The following RAB3B variants were observed in gnomAD, a reference collection of about 807,000 sequenced individuals.
The protein encoded by RAB3B is RAB3B, member RAS oncogene family.
A neutral mutation model predicts 20.5 loss-of-function variants in RAB3B; 11 were observed. The observed-to-expected ratio is 0.54, with a 90% CI of 0.34 to 0.89. RAB3B has a LOEUF of 0.89. Ranked by LOEUF, RAB3B falls within the 40% of genes least tolerant of loss-of-function variation. The probability of loss-of-function intolerance (pLI) is 0.02; values close to 1 mark genes in which losing one functional copy is unlikely to be tolerated. For missense variants in RAB3B, 225 were observed against 280.9 expected (o/e 0.80, Z 1.42); for synonymous variants, 99 against 106.3 (o/e 0.93, Z 0.42).
At chr1:51,990,133 C>T (rs1471024787) in intron 1 of RAB3B, among the ~76,000 whole-genome samples, 2 of 116,546 alleles carry the variant, frequency 1.7e-5, no homozygotes, top group African/African-American at 6.8e-5. Context: ...TCCCCTCAGT[C>T]CGCTCCCTTC....
chr1:51,978,094 C>A lies in RAB3B; in HGVS notation c.1-977G>T, dbSNP rs968034782. On this transcript the variant is annotated intron_variant, in intron 1 of 4. Transcript: ENST00000371655. The stretch of plus-strand genomic sequence containing the variant: ...CCTACCCATCCTTGGAGATCCAGAT[C>A]AAGTGCCAGCTTCCCTGTGCTCCCA... Among the ~76,000 whole-genome samples, 3 of 152,244 alleles carry A rather than the reference C, an allele frequency of 2.0e-5. No individual in the cohort carries two copies. In the East Asian group the frequency reaches 5.8e-4, roughly 29 times the overall value.
chr1:51,934,748 C>T (rs1302288584), intron 3 of RAB3B, among the ~76,000 whole-genome samples: 2 of 132,776 alleles, frequency 1.5e-5, no homozygotes, highest in Non-Finnish European at 3.1e-5. Context: ...TACACTCCAG[C>T]CTGGGTGACA....
At chr1:51,941,530 A>G (rs1243695789) in intron 2 of RAB3B, among the ~76,000 whole-genome samples, 1 of 152,190 alleles carries the variant, frequency 6.6e-6, no homozygotes, top group African/African-American at 2.4e-5. Flanking sequence ...TCATTGAGGT[A>G]TTTAAGAGGT....
intron 2 of RAB3B, among the ~76,000 whole-genome samples, chr1:51,967,761 C>T (rs1042542120): frequency 8.6e-5 from 13 of 151,794 alleles, no homozygotes; most frequent in African/African-American, 2.9e-4. Context: ...AGTGATCCTC[C>T]TGCCTTGGCC....
At chr1:51,986,600 G>C (rs1213358907) in intron 1 of RAB3B, among the ~76,000 whole-genome samples, 1 of 152,148 alleles carries the variant, frequency 6.6e-6, no homozygotes, top group Admixed American at 6.5e-5. Flanking sequence ...GTGACAGAGT[G>C]AGACCCTATC....
chr1:51,910,175 T>A lies in RAB3B; in HGVS notation c.*9752A>T, dbSNP rs892807271. The A allele has an allele frequency of 6.6e-6, 1 of 152,188 alleles. No homozygotes were observed. Among genetic ancestry groups the A allele is most frequent in the African/African-American group, 2.4e-5 (1 of 41,464 alleles). 9.4% of individuals were successfully genotyped at this position (152,188 alleles called of 1,614,324 possible). ...TTAACTATTCTGCCTTATGACCTTCTGAAACCTCATCCTGTGGTCTGATGT... is the reference window on the plus strand; with the variant it reads ...TTAACTATTCTGCCTTATGACCTTCAGAAACCTCATCCTGTGGTCTGATGT... On this transcript the variant is annotated 3_prime_UTR_variant, in exon 5 of 5. Coordinates refer to ENST00000371655, the MANE Select transcript of RAB3B (RefSeq NM_002867.4).
chr1:51,958,724 C>CA (rs11379171), intron 2 of RAB3B, among the ~76,000 whole-genome samples: 48,404 of 121,562 alleles, frequency 0.4, 9,942 homozygotes, highest in East Asian at 0.84. Context: ...AACTCAGTCT[C>CA]AAAAAAAAAA....
chr1:51,932,235 A>G (rs1293397566), intron 4 of RAB3B, among the ~76,000 whole-genome samples: 4 of 152,238 alleles, frequency 2.6e-5, no homozygotes, highest in African/African-American at 9.6e-5. Context: ...TCTGTTCTTC[A>G]GAAACTGTCA....
chr1:51,936,810 TTTTC>T (rs1229838070), intron 3 of RAB3B, among the ~76,000 whole-genome samples: 2 of 151,586 alleles, frequency 1.3e-5, no homozygotes, highest in Non-Finnish European at 2.9e-5. Context: ...TTTTCTTTTC[TTTTC>T]TTTCTTTTTT....
Position 51,937,315 on chromosome 1 carries a change from G to T in RAB3B, c.326C>A (p.Ser109Tyr). The change falls in exon 3 of 5, where the codon TCC becomes TAC. Residue 109 changes from serine to tyrosine, a missense_variant. By Grantham distance (144) the Ser-to-Tyr change is moderately radical (BLOSUM62 -2). Transcript: ENST00000371655. ...ATACCAGTCTTGGACAGCATTGAAG[G>T]ACTCTTCATTGGTGATGTCATACAT... is the stretch of plus-strand genomic sequence containing the variant. ...ILMYDITNEESFNAVQDWATQ... is the reference protein window; with the variant it reads ...ILMYDITNEEYFNAVQDWATQ... The T allele has an allele frequency of 6.2e-7, 1 of 1,609,134 alleles. No homozygotes were observed. The highest frequency in any genetic ancestry group is 1.1e-5 in the South Asian group (1 of 90,826).
chr1:51,939,042 A>G (rs1684453243), intron 2 of RAB3B, among the ~76,000 whole-genome samples: 1 of 152,196 alleles, frequency 6.6e-6, no homozygotes, highest in Non-Finnish European at 1.5e-5. Context: ...TCAAAAAATG[A>G]CTTTAAGACA....
chr1:51,971,833 C>A (rs1018138727), intron 2 of RAB3B, among the ~76,000 whole-genome samples: 1 of 152,228 alleles, frequency 6.6e-6, no homozygotes, highest in Non-Finnish European at 1.5e-5. Context: ...ATCATTCACG[C>A]CCTGGGCAGG....
At chr1:51,950,056 G>C (rs1278670365) in intron 2 of RAB3B, among the ~76,000 whole-genome samples, 1 of 152,218 alleles carries the variant, frequency 6.6e-6, no homozygotes, top group East Asian at 1.9e-4. Flanking sequence ...GGCTGAGTCT[G>C]GGGTATTTTT....
chr1:51,974,001 A>T (rs539971734), intron 2 of RAB3B, among the ~76,000 whole-genome samples: 1 of 152,210 alleles, frequency 6.6e-6, no homozygotes, highest in Non-Finnish European at 1.5e-5. Flanking sequence ...TTCCCTAAGG[A>T]ATCATCAAGC....
intron 1 of RAB3B, among the ~76,000 whole-genome samples, chr1:51,982,428 G>A (rs1001831010): frequency 6.6e-6 from 1 of 151,996 alleles, no homozygotes; most frequent in African/African-American, 2.4e-5. Flanking sequence ...AGGCCATACG[G>A]TGTATTTGTG....
At chr1:51,940,298 T>C (rs761478957) in intron 2 of RAB3B, among the ~76,000 whole-genome samples, 2 of 152,118 alleles carry the variant, frequency 1.3e-5, no homozygotes, top group African/African-American at 4.8e-5. Flanking sequence ...TATGAGGTAA[T>C]ATGTCATCAG....
chr1:51,909,243 G>A lies in RAB3B; in HGVS notation c.*10684C>T. ...AAGAAGGAGGGGATCCTTGGAAAGG[G>A]CTCTGAGAGGGGTGTATTCGTTTCA... On this transcript the variant is annotated 3_prime_UTR_variant, in exon 5 of 5. Coordinates refer to ENST00000371655, the MANE Select transcript of RAB3B (RefSeq NM_002867.4). 6.7e-6 allele frequency: 1 copy of A among 150,118 alleles called. No homozygotes were observed. Among genetic ancestry groups the A allele is most frequent in the East Asian group, 1.9e-4 (1 of 5,204 alleles). 9.3% of individuals were successfully genotyped at this position (150,118 alleles called of 1,614,324 possible).
chr1:51,920,363 T>C (rs1333290633), intron 4 of RAB3B, among the ~76,000 whole-genome samples: 1 of 152,228 alleles, frequency 6.6e-6, no homozygotes, highest in East Asian at 1.9e-4. Context: ...GGCTGAGTCA[T>C]TTATTCTCTT....
intron 2 of RAB3B, among the ~76,000 whole-genome samples, chr1:51,947,971 T>C (rs767840870): frequency 2.0e-5 from 3 of 152,180 alleles, no homozygotes; most frequent in Non-Finnish European, 2.9e-5. Flanking sequence ...AGCTGAAATC[T>C]ACATACAGTA....
Sources: allele counts gnomAD v4.1 joint callset (sites outside exome capture counted in the v4.1 genomes callset), GRCh38; gene constraint gnomAD v4.1.1; transcripts MANE v1.5; gene names NCBI Gene and HGNC (gene_info 2026-07-23, HGNC 2026-07-21).